ABI3BP: variants seen among roughly 807,000 people sequenced by gnomAD.
ABI3BP encodes the protein target of Nesh-SH3.
ABI3BP carries 216 observed loss-of-function variants against 268.6 expected under a neutral mutation model. The ratio of observed to expected loss-of-function variants is 0.80; its 90% CI spans 0.72 to 0.90. ABI3BP has a LOEUF of 0.90. Ranked by LOEUF, ABI3BP falls within the 40% of genes least tolerant of loss-of-function variation. The pLI is 0.00. For synonymous variants in ABI3BP, 730 were observed against 730.0 expected, an observed-to-expected ratio of 1.00 and a Z score of 0.00; for missense variants, 2,090 against 2,182.4, an observed-to-expected ratio of 0.96 and a Z score of 0.84.
intron 62 of ABI3BP, 125 bp downstream of exon 62, chr3:100,770,618 A>C: frequency 2.3e-6 from 2 of 860,594 alleles, no homozygotes; most frequent in Non-Finnish European, 3.3e-6. Context: ...AAGGCAGCAA[A>C]ACTGCTAGTT....
intron 61 of ABI3BP, among the ~76,000 whole-genome samples, chr3:100,773,027 G>A (rs1038144432): frequency 3.4e-5 from 5 of 145,282 alleles, no homozygotes. Context: ...GCAGTGAGAT[G>A]AGATCACACC....
intron 1 of ABI3BP, among the ~76,000 whole-genome samples, chr3:100,943,015 G>C (rs947415952): frequency 1.3e-5 from 2 of 152,004 alleles, no homozygotes; most frequent in Non-Finnish European, 2.9e-5. Flanking sequence ...GGGTTTCTGA[G>C]AACTATTTCT....
intron 40 of ABI3BP, among the ~76,000 whole-genome samples, chr3:100,819,097 C>T (rs2098132726): frequency 6.6e-6 from 1 of 152,170 alleles, no homozygotes; most frequent in African/African-American, 2.4e-5. Context: ...TCTCTACTCT[C>T]TAATCATAAA....
intron 67 of ABI3BP, among the ~76,000 whole-genome samples, chr3:100,751,021 C>A (rs1000844978): frequency 6.6e-6 from 1 of 152,162 alleles, no homozygotes; most frequent in South Asian, 2.1e-4. Context: ...TAATTTACCC[C>A]CTTCTGCACT....
intron 62 of ABI3BP, among the ~76,000 whole-genome samples, chr3:100,766,824 T>C (rs1243045727): frequency 6.6e-6 from 1 of 152,146 alleles, no homozygotes; most frequent in Non-Finnish European, 1.5e-5. Context: ...ATCAGCTCCA[T>C]TAATATGAAG....
chr3:100,807,213 A>G (rs2097734930), intron 50 of ABI3BP, among the ~76,000 whole-genome samples: 3 of 152,000 alleles, frequency 2.0e-5, no homozygotes, highest in Admixed American at 2.0e-4. Flanking sequence ...TTATAATAAC[A>G]AATTTAATAT....
chr3:100,910,152 C>T (rs147525077), intron 2 of ABI3BP, among the ~76,000 whole-genome samples: 88,806 of 151,246 alleles, frequency 0.59, 26,854 homozygotes, highest in East Asian at 0.91. Context: ...AACAAACTAA[C>T]ACAGGAACAG....
At chr3:100,780,328 G>A in intron 57 of ABI3BP, 119 bp from the exon 58 acceptor site, 1 of 887,776 alleles carries the variant, frequency 1.1e-6, no homozygotes, top group Non-Finnish European at 1.7e-6. Flanking sequence ...GTGTTTTTAT[G>A]CCAAGACATT....
At chr3:100,843,618 T>C (rs976906829) in intron 20 of ABI3BP, 23 of 983,108 alleles carry the variant, frequency 2.3e-5, no homozygotes, top group Non-Finnish European at 4.8e-6. Flanking sequence ...GAGGAGAGTA[T>C]GCATGTGAGA....
chr3:100,978,690 T>C (rs1286187752), intron 1 of ABI3BP, among the ~76,000 whole-genome samples: 2 of 152,186 alleles, frequency 1.3e-5, no homozygotes, highest in Non-Finnish European at 2.9e-5. Flanking sequence ...TATCATATAT[T>C]CAACAACAGA....
chr3:100,762,106 A>T (rs777425699), intron 63 of ABI3BP, among the ~76,000 whole-genome samples: 15 of 151,708 alleles, frequency 9.9e-5, no homozygotes, highest in African/African-American at 3.2e-4. Flanking sequence ...TATTATTATT[A>T]TTTTTTTACA....
At chr3:100,967,966 A>G (rs1225585833) in intron 1 of ABI3BP, among the ~76,000 whole-genome samples, 2 of 152,174 alleles carry the variant, frequency 1.3e-5, no homozygotes, top group Non-Finnish European at 2.9e-5. Flanking sequence ...GCCTTTTTAA[A>G]TTCACTGAAA....
At chr3:100,763,277 G>A (rs1291057612) in intron 63 of ABI3BP, among the ~76,000 whole-genome samples, 1 of 151,834 alleles carries the variant, frequency 6.6e-6, no homozygotes, top group Non-Finnish European at 1.5e-5. Context: ...CCTAGCCAAC[G>A]TGGAGAAACC....
chr3:100,944,844 G>A (rs1474035922), intron 1 of ABI3BP, among the ~76,000 whole-genome samples: 1 of 152,142 alleles, frequency 6.6e-6, no homozygotes, highest in Non-Finnish European at 1.5e-5. Context: ...ATATGGCCAA[G>A]TGGCCTCATA....
chr3:100,825,202 G>T (rs1031572380), intron 35 of ABI3BP, among the ~76,000 whole-genome samples: 3 of 152,026 alleles, frequency 2.0e-5, no homozygotes, highest in Non-Finnish European at 4.4e-5. Context: ...CTTCCTTGCT[G>T]GGGGAAAAAA....
chr3:100,785,560 C>T (rs888632384), intron 57 of ABI3BP, among the ~76,000 whole-genome samples: 1 of 152,106 alleles, frequency 6.6e-6, no homozygotes, highest in Non-Finnish European at 1.5e-5. Flanking sequence ...GAATTTTATG[C>T]CATTTACTTC....
At chr3:100,952,320 A>T (rs1403094295) in intron 1 of ABI3BP, among the ~76,000 whole-genome samples, 1 of 152,184 alleles carries the variant, frequency 6.6e-6, no homozygotes, top group Non-Finnish European at 1.5e-5. Flanking sequence ...ATGTGAAGCA[A>T]TTAGCTTAGT....
intron 1 of ABI3BP, among the ~76,000 whole-genome samples, chr3:100,977,276 C>T (rs2086716686): frequency 6.6e-6 from 1 of 152,146 alleles, no homozygotes; most frequent in Non-Finnish European, 1.5e-5. Context: ...TTATCTATTG[C>T]TATATAATAA....
At chr3:100,850,862 C>T (rs918592606) in intron 15 of ABI3BP, 128 bp from the exon 16 acceptor site, 7 of 661,690 alleles carry the variant, frequency 1.1e-5, no homozygotes, top group East Asian at 2.7e-5. Flanking sequence ...CTTGCTGGCC[C>T]ACATTTTAAA....
Sources: allele counts gnomAD v4.1 joint callset (sites outside exome capture counted in the v4.1 genomes callset), GRCh38; gene constraint gnomAD v4.1.1; transcripts MANE v1.5; gene names NCBI Gene and HGNC (gene_info 2026-07-23, HGNC 2026-07-21).